The following SATL1 variants were observed in gnomAD, a reference collection of about 807,000 sequenced individuals.
The protein encoded by SATL1 is spermidine/spermine N(1)-acetyltransferase-like protein 1.
In SATL1, 47 loss-of-function variants were observed where a neutral mutation model predicts 51.8. The ratio of observed to expected loss-of-function variants is 0.91; its 90% confidence interval spans 0.72 to 1.16. The LOEUF (loss-of-function observed/expected upper bound fraction) is 1.16, where lower values mean the gene tolerates loss of function less well. Among genes scored for constraint, SATL1 ranks in the 50% most tolerant of loss-of-function variants. The pLI is 0.00. For missense variants in SATL1, 520 were observed against 526.4 expected, an observed-to-expected ratio of 0.99 and a Z score of 0.12; for synonymous variants, 176 against 182.4, an observed-to-expected ratio of 0.97 and a Z score of 0.28.
intron 2 of SATL1, among the ~76,000 whole-genome samples, chrX:85,186,158 G>A (rs1282651140): frequency 1.8e-5 from 2 of 108,526 alleles, no homozygotes; most frequent in African/African-American, 3.4e-5. Context: ...GACTCTGCCT[G>A]GTGCCCTTAA....
intron 2 of SATL1, among the ~76,000 whole-genome samples, chrX:85,143,716 C>T (rs1926161992): frequency 9.0e-6 from 1 of 110,545 alleles, no homozygotes; most frequent in African/African-American, 3.3e-5. Flanking sequence ...ATAATTATTT[C>T]CTCTTAAAGA....
At chrX:85,217,217 G>A (rs1008200324) in intron 2 of SATL1, among the ~76,000 whole-genome samples, 1 of 111,352 alleles carries the variant, frequency 9.0e-6, no homozygotes, top group African/African-American at 3.3e-5. Context: ...AGGGTAGTGA[G>A]AGAGAATGAC....
At position 85,109,148 on chromosome X, in the gene SATL1, A is replaced by T. The variant is rs1485017820; in HGVS notation, c.-180T>A. Reference sequence around the variant, plus strand: ...TTCGCCCACTTTGAGATACCCCTCTATCAAGGTGGGAATTGGAAAAAGAGA... The same window carrying T: ...TTCGCCCACTTTGAGATACCCCTCTTTCAAGGTGGGAATTGGAAAAAGAGA... On this transcript the variant is annotated 5_prime_UTR_variant, in exon 3 of 8. Transcript: ENST00000644105. The T allele has an allele frequency of 4.4e-6, 2 of 454,378 alleles. No homozygotes were observed. Among genetic ancestry groups the T allele is most frequent in the Non-Finnish European group, 7.5e-6 (2 of 267,789 alleles). 37.4% of individuals were successfully genotyped at this position (454,378 alleles called of 1,213,427 possible).
At chrX:85,154,571 A>AAAG (rs1398079261) in intron 2 of SATL1, among the ~76,000 whole-genome samples, 1 of 111,694 alleles carries the variant, frequency 9.0e-6, no homozygotes, top group Non-Finnish European at 1.9e-5. Context: ...ACCACCCTAT[A>AAAG]AAGTCTTGAT....
At chrX:85,163,178 T>TTTGTTG (rs199669352) in intron 2 of SATL1, among the ~76,000 whole-genome samples, 14 of 106,950 alleles carry the variant, frequency 1.3e-4, no homozygotes, top group South Asian at 8.2e-4. Context: ...TCCTGGAGTT[T>TTTGTTG]TTGTTGTTGT....
At position 85,205,311 on chromosome X, in the gene SATL1, G is replaced by A. The variant is rs150601993; in HGVS notation, c.-313+18894C>T. Among the ~76,000 whole-genome samples the A allele has an allele frequency of 6.8e-3, 759 of 112,068 alleles. 4 individuals are homozygous for A. The highest frequency in any genetic ancestry group is 0.023 in the African/African-American group (710 of 30,896). On this transcript the variant is annotated intron_variant, in intron 2 of 7. Coordinates refer to ENST00000644105, the MANE Select transcript of SATL1 (RefSeq NM_001367857.2). The stretch of plus-strand genomic sequence containing the variant: ...TATGCCTAAAACCGTTCTATACATT[G>A]GTGAAAGAGTGGTATCTCATATTGA...
chrX:85,094,277 C>T (rs747539618), intron 5 of SATL1, 48 bp from the exon 6 acceptor site: 2 of 676,133 alleles, frequency 3.0e-6, no homozygotes, highest in Admixed American at 2.4e-5. Flanking sequence ...GAATCTTAGC[C>T]AGTTCTTTAC....
intron 4 of SATL1, among the ~76,000 whole-genome samples, chrX:85,100,093 C>T (rs930910555): frequency 2.7e-5 from 3 of 112,080 alleles, no homozygotes; most frequent in African/African-American, 6.5e-5. Context: ...GTAATCCCAG[C>T]TACTCGGGAG....
intron 2 of SATL1, among the ~76,000 whole-genome samples, chrX:85,142,428 G>A (rs1014825660): frequency 4.6e-4 from 49 of 107,572 alleles, no homozygotes; most frequent in Admixed American, 1.8e-3. Flanking sequence ...AAGTAGAGTT[G>A]TTGAAAGCAA....
At chrX:85,097,547 G>A (rs1410826452) in intron 4 of SATL1, among the ~76,000 whole-genome samples, 3 of 111,044 alleles carry the variant, frequency 2.7e-5, no homozygotes, top group African/African-American at 9.8e-5. Flanking sequence ...TTGCCATGTT[G>A]GCCAGGCTAG....
intron 2 of SATL1, among the ~76,000 whole-genome samples, chrX:85,203,684 C>A (rs997699953): frequency 2.7e-5 from 3 of 112,214 alleles, no homozygotes; most frequent in Non-Finnish European, 5.6e-5. Context: ...GCTGGAGGAT[C>A]CCTTCTGCCC....
At chrX:85,229,534 T>C (rs1312636370) in intron 1 of SATL1, among the ~76,000 whole-genome samples, 2 of 111,395 alleles carry the variant, frequency 1.8e-5, no homozygotes, top group African/African-American at 6.5e-5. Context: ...TAATGTAATA[T>C]AACACATTAA....
At chrX:85,156,313 T>C (rs1926585468) in intron 2 of SATL1, 1 of 111,618 alleles carries the variant, frequency 9.0e-6, no homozygotes, top group Non-Finnish European at 1.9e-5. Flanking sequence ...GTTTTTCAAA[T>C]GTGCCAGAGA....
intron 7 of SATL1, chrX:85,092,803 G>C: frequency 2.9e-6 from 1 of 343,947 alleles, no homozygotes; most frequent in South Asian, 1.0e-4. Flanking sequence ...ATACAGAAAA[G>C]GTGTACCTAA....
Position 85,092,834 on chromosome X carries a change from G to A in SATL1, c.1918-273C>T, listed in dbSNP as rs936600430. Reference sequence around the variant, plus strand: ...CCTAAAAGAACACATGTTCTCATATGTTTCCAAAATACAAGAAGATCTTGC... The same window carrying A: ...CCTAAAAGAACACATGTTCTCATATATTTCCAAAATACAAGAAGATCTTGC... On this transcript the variant is annotated intron_variant, in intron 7 of 7. Transcript: ENST00000644105. 1.7e-4 allele frequency: 57 copies of A among 328,517 alleles called. 1 individual carries two copies. In the South Asian group the frequency reaches 1.7e-3, roughly 10 times the overall value. The allele number at this position is 328,517 out of a possible 1,213,427, so 27.1% of individuals were successfully genotyped here.
chrX:85,142,177 A>G (rs895843481), intron 2 of SATL1, among the ~76,000 whole-genome samples: 1 of 107,076 alleles, frequency 9.3e-6, no homozygotes, highest in Non-Finnish European at 1.9e-5. Flanking sequence ...CGGGTGGAAC[A>G]CGAGGTTAGG....
chrX:85,143,679 A>C (rs1331035434), intron 2 of SATL1, among the ~76,000 whole-genome samples: 1 of 111,412 alleles, frequency 9.0e-6, no homozygotes, highest in Non-Finnish European at 1.9e-5. Flanking sequence ...TGTTTTTTTA[A>C]AAGGTGATTA....
intron 2 of SATL1, among the ~76,000 whole-genome samples, chrX:85,152,530 C>A (rs1321665980): frequency 9.0e-6 from 1 of 111,020 alleles, no homozygotes; most frequent in Non-Finnish European, 1.9e-5. Context: ...ATGTTTATTG[C>A]GGCACTATTC....
At chrX:85,127,603 TG>T (rs1925657807) in intron 2 of SATL1, among the ~76,000 whole-genome samples, 1 of 111,741 alleles carries the variant, frequency 8.9e-6, no homozygotes, top group Non-Finnish European at 1.9e-5. Context: ...GTTTTGTTAC[TG>T]GACTTTTTCA....
Sources: allele counts gnomAD v4.1 joint callset (sites outside exome capture counted in the v4.1 genomes callset), GRCh38; gene constraint gnomAD v4.1.1; transcripts MANE v1.5; gene names NCBI Gene and HGNC (gene_info 2026-07-23, HGNC 2026-07-21).